The following INPP5A variants were observed in gnomAD, a reference collection of about 807,000 sequenced individuals.
INPP5A encodes the protein inositol polyphosphate-5-phosphatase A, also known as 43 kDa inositol polyphosphate 5-phophatase.
Under a neutral mutation model 65.2 loss-of-function variants are expected in INPP5A, and 14 were observed. That is an observed-to-expected ratio of 0.21 (90% CI 0.14 to 0.34). The LOEUF (loss-of-function observed/expected upper bound fraction) is 0.34, where lower values mean the gene tolerates loss of function less well. Among genes scored for constraint, INPP5A ranks in the 10% least tolerant of loss-of-function variants. INPP5A has a pLI of 1.00. For missense variants in INPP5A, 431 were observed against 545.6 expected (o/e 0.79, Z 2.09); for synonymous variants, 207 against 208.3 (o/e 0.99, Z 0.05).
At chr10:132,625,482 T>C (rs1388668006) in intron 2 of INPP5A, among the ~76,000 whole-genome samples, 5 of 151,814 alleles carry the variant, frequency 3.3e-5, no homozygotes, top group Non-Finnish European at 5.9e-5. Flanking sequence ...AGCTGGGAGG[T>C]GCAGGAAAAA....
chr10:132,650,486 A>G lies in INPP5A; in HGVS notation c.287A>G (p.Lys96Arg), dbSNP rs1180734811. 1.9e-6 allele frequency: 3 copies of G among 1,613,160 alleles called. No homozygotes were observed. Among genetic ancestry groups the G allele is most frequent in the Admixed American group, 3.3e-5 (2 of 59,996 alleles). The change falls in exon 4 of 16, where the codon AAA (lysine) becomes AGA (arginine). Residue 96 changes from lysine to arginine, a missense_variant. Transcript: ENST00000368594. This position sits in a 1 kb window ranked among gnomAD's most constrained non-coding sequence, Gnocchi z 5.5. ...RARVYLDENY[K>R]SQEHFTALGS... is the part of the protein sequence containing the mutation. The stretch of plus-strand genomic sequence containing the variant: ...CGAGTCTACCTGGATGAAAACTACA[A>G]ATCCCAGGAGCACTTCACGGTGAGT...
chr10:132,539,351 G>A (rs2070880835), intron 1 of INPP5A, among the ~76,000 whole-genome samples: 2 of 152,192 alleles, frequency 1.3e-5, no homozygotes, highest in African/African-American at 4.8e-5. Flanking sequence ...AGCACTGTAG[G>A]ACTTTATATT....
In INPP5A at chr10:132,627,009, GC is replaced by G. The variant is rs2072193745; in HGVS notation, c.118-18856del. Among the ~76,000 whole-genome samples the G allele has an allele frequency of 6.6e-6, 1 of 152,196 alleles. No individual in the cohort carries two copies. The highest frequency in any genetic ancestry group is 2.4e-5 in the African/African-American group (1 of 41,452). On this transcript the variant is annotated intron_variant, in intron 2 of 15. Coordinates refer to ENST00000368594, the MANE Select transcript of INPP5A (RefSeq NM_005539.5). This position sits in a 1 kb window ranked among gnomAD's most constrained non-coding sequence, Gnocchi z 6.6. ...AGTGTAATGGTATTGAGGGGGGTGG[GC>G]CCTTTGGGAGGTGATGGGGTGAGAT...
chr10:132,614,212 T>C (rs1242524095), intron 2 of INPP5A, among the ~76,000 whole-genome samples: 1 of 152,158 alleles, frequency 6.6e-6, no homozygotes, highest in Admixed American at 6.5e-5. Flanking sequence ...ATGCCTGCAA[T>C]CCCAGCACTT....
intron 1 of INPP5A, among the ~76,000 whole-genome samples, chr10:132,562,726 C>T (rs1005378836): frequency 3.9e-5 from 6 of 152,254 alleles, no homozygotes; most frequent in Non-Finnish European, 8.8e-5. Flanking sequence ...CATGCTTCCA[C>T]GGCTCATCTC....
chr10:132,627,283 G>C lies in INPP5A; in HGVS notation c.118-18585G>C, dbSNP rs376287803. Among the ~76,000 whole-genome samples, 6 of 151,874 alleles carry C rather than the reference G, an allele frequency of 4.0e-5. No individual in the cohort carries two copies. The East Asian group carries it at 7.7e-4, about 20-fold the overall frequency. On this transcript the variant is annotated intron_variant, in intron 2 of 15. Coordinates refer to ENST00000368594, the MANE Select transcript of INPP5A (RefSeq NM_005539.5). This position sits in a 1 kb window ranked among gnomAD's most constrained non-coding sequence, Gnocchi z 6.6. Reference sequence around the variant, plus strand: ...CTCTGCCGACCGAGGGAGGGGCTGAGGGTGGACAGGCTGGGAATACCTCAC... The same window carrying C: ...CTCTGCCGACCGAGGGAGGGGCTGACGGTGGACAGGCTGGGAATACCTCAC...
At position 132,550,384 on chromosome 10, in the gene INPP5A, A is replaced by C. The variant is rs1354397588; in HGVS notation, c.75+12213A>C. 1.3e-5 allele frequency among the ~76,000 whole-genome samples: 2 copies of C among 152,196 alleles called. No individual in the cohort carries two copies. Among genetic ancestry groups the C allele is most frequent in the East Asian group, 3.8e-4 (2 of 5,196 alleles). Reference sequence around the variant, plus strand: ...GGGTGTCAGTGGTTTTTGGGAGTCCAGGTGCAGGTCTCAGCAGCAACTCTG... The same window carrying C: ...GGGTGTCAGTGGTTTTTGGGAGTCCCGGTGCAGGTCTCAGCAGCAACTCTG... On this transcript the variant is annotated intron_variant, in intron 1 of 15. Transcript: ENST00000368594. This position sits in a 1 kb window ranked among gnomAD's most constrained non-coding sequence, Gnocchi z 4.2.
At chr10:132,668,875 G>T (rs188409498) in intron 4 of INPP5A, among the ~76,000 whole-genome samples, 2 of 152,108 alleles carry the variant, frequency 1.3e-5, no homozygotes. Flanking sequence ...GGCGTTTATT[G>T]AGCGTGTACT....
rs114197614 is a variant in INPP5A at position 132,588,994 on chromosome 10, C to T, written c.76-18921C>T. 2.8e-3 allele frequency among the ~76,000 whole-genome samples: 427 copies of T among 150,594 alleles called. 1 individual carries two copies. Among genetic ancestry groups the T allele is most frequent in the African/African-American group, 0.01 (415 of 40,814 alleles). ...TGTGGTCCCACGTTCTGGTGTGTGTCGCCATCGGTGGTCACTGTTTCTTGG... is the reference window on the plus strand; with the variant it reads ...TGTGGTCCCACGTTCTGGTGTGTGTTGCCATCGGTGGTCACTGTTTCTTGG... On this transcript the variant is annotated intron_variant, in intron 1 of 15. Transcript: ENST00000368594.
rs112390645 is a variant in INPP5A at position 132,698,321 on chromosome 10, G to T, written c.474+402G>T. ...TGTGTGCCCGTGGTGTGAGTGTGGG[G>T]CAGGGGCACGGTCCTGTGTCAGATA... On this transcript the variant is annotated intron_variant, in intron 6 of 15. Coordinates refer to ENST00000368594, the MANE Select transcript of INPP5A (RefSeq NM_005539.5). The surrounding 1 kb of genome is among the most constrained non-coding windows in gnomAD (Gnocchi z 5.5). Among the ~76,000 whole-genome samples the T allele has an allele frequency of 4.4e-3, 674 of 152,342 alleles. 3 individuals carry two copies. The highest frequency in any genetic ancestry group is 0.015 in the African/African-American group (641 of 41,578).
At chr10:132,689,231 A>G (rs916312927) in intron 4 of INPP5A, among the ~76,000 whole-genome samples, 1 of 152,140 alleles carries the variant, frequency 6.6e-6, no homozygotes, top group East Asian at 1.9e-4. Context: ...TTGGGGTTAG[A>G]GCCCCCAGTG....
At chr10:132,588,012 CAAA>C (rs796469034) in intron 1 of INPP5A, among the ~76,000 whole-genome samples, 3 of 55,902 alleles carry the variant, frequency 5.4e-5, no homozygotes, top group Admixed American at 4.0e-4. Context: ...AACTCCATCT[CAAA>C]AAAAAAAAAA....
chr10:132,541,906 A>G (rs1313544460), intron 1 of INPP5A, among the ~76,000 whole-genome samples: 5 of 152,252 alleles, frequency 3.3e-5, no homozygotes, highest in East Asian at 1.9e-4. Context: ...TGAGCCCTGC[A>G]GCTGGTCTTT....
chr10:132,723,440 TG>T, intron 8 of INPP5A, among the ~76,000 whole-genome samples: 1 of 145,438 alleles, frequency 6.9e-6, no homozygotes, highest in South Asian at 2.1e-4. Context: ...CTTGGCCATG[TG>T]GGGATTGGCC....
At chr10:132,700,594 G>A (rs1221405611) in intron 6 of INPP5A, among the ~76,000 whole-genome samples, 2 of 152,156 alleles carry the variant, frequency 1.3e-5, no homozygotes, top group African/African-American at 2.4e-5. Flanking sequence ...GAGGAAGGAG[G>A]AGGGAGGGGC....
chr10:132,640,524 G>A (rs560308162), intron 2 of INPP5A, among the ~76,000 whole-genome samples: 4 of 152,374 alleles, frequency 2.6e-5, no homozygotes, highest in Middle Eastern at 3.4e-3. Flanking sequence ...GGCAAAGCCC[G>A]AAGAGGGAAA....
At chr10:132,605,735 G>T (rs949882056) in intron 1 of INPP5A, among the ~76,000 whole-genome samples, 1 of 152,088 alleles carries the variant, frequency 6.6e-6, no homozygotes, top group Non-Finnish European at 1.5e-5. Flanking sequence ...GACTAGTGTT[G>T]GGGTGTGTGC....
Position 132,726,918 on chromosome 10 carries a change from T to A in INPP5A, c.732+13T>A. The A allele has an allele frequency of 6.3e-7, 1 of 1,587,266 alleles. No individual in the cohort carries two copies. The highest frequency in any genetic ancestry group is 1.1e-5 in the South Asian group (1 of 89,824). The stretch of plus-strand genomic sequence containing the variant: ...GTCCGTCGTGGAGGTAGGCGCTGGC[T>A]TCCCTCCCGCCCTGGTCTCATGCCT... On this transcript the variant is annotated intron_variant, in intron 9 of 15. Transcript: ENST00000368594.
chr10:132,544,478 G>C (rs2070943987), intron 1 of INPP5A, among the ~76,000 whole-genome samples: 1 of 152,092 alleles, frequency 6.6e-6, no homozygotes, highest in Admixed American at 6.5e-5. Context: ...CAAGATCTCG[G>C]TGCACTTTCC....
Sources: gnomAD v4.1 joint callset for allele counts (sites outside exome capture counted in the v4.1 genomes callset) on GRCh38, gnomAD v4.1.1 for gene constraint, Gnocchi (gnomAD v3.1) non-coding constraint, MANE v1.5 for transcripts, NCBI Gene and HGNC (gene_info 2026-07-23, HGNC 2026-07-21) for gene names.